Variants in DOCK3 observed in about 807,000 individuals in gnomAD.
The protein encoded by DOCK3 is dedicator of cytokinesis 3, also known as dedicator of cytokinesis protein 3.
In DOCK3, 60 loss-of-function variants were observed where a neutral mutation model predicts 265.6. That is an observed-to-expected ratio of 0.23 (90% CI 0.18 to 0.28). DOCK3 has a LOEUF of 0.28. Ranked by LOEUF, DOCK3 falls within the 10% of genes least tolerant of loss-of-function variation. The pLI is 1.00. For synonymous variants in DOCK3, 881 were observed against 938.0 expected (o/e 0.94, Z 1.11); for missense variants, 1,981 against 2,594.3 (o/e 0.76, Z 5.14).
chr3:51,078,469 G>A (rs2082125658), intron 7 of DOCK3, among the ~76,000 whole-genome samples: 1 of 152,138 alleles, frequency 6.6e-6, no homozygotes, highest in Non-Finnish European at 1.5e-5. Context: ...TGAGTCTCCA[G>A]ATTTAAAGGG....
In DOCK3 at chr3:51,299,173, G is replaced by A. The variant is rs556657417; in HGVS notation, c.2923-11059G>A. Among the ~76,000 whole-genome samples, 3 of 152,224 alleles carry A rather than the reference G, an allele frequency of 2.0e-5. No individual in the cohort carries two copies. The South Asian group carries it at 6.2e-4, about 32-fold the overall frequency. On this transcript the variant is annotated intron_variant, in intron 27 of 52. Coordinates refer to ENST00000266037, the MANE Select transcript of DOCK3 (RefSeq NM_004947.5). ...CATTTGCATTTCTCTAATGATCAGTGATGTTCAGCTTTTTTTCACGTGTTT... is the reference window on the plus strand; with the variant it reads ...CATTTGCATTTCTCTAATGATCAGTAATGTTCAGCTTTTTTTCACGTGTTT...
intron 22 of DOCK3, among the ~76,000 whole-genome samples, chr3:51,259,722 C>CT (rs2079753330): frequency 6.6e-6 from 1 of 152,174 alleles, no homozygotes; most frequent in Non-Finnish European, 1.5e-5. Context: ...ACTCCTAAGT[C>CT]TGAGGATTCC....
chr3:51,277,684 T>A lies in DOCK3; in HGVS notation c.2753T>A (p.Ile918Asn), dbSNP rs1219462343. Residue 918 changes from isoleucine (I) to asparagine (N), a missense_variant, in exon 26 of 53, where the codon ATC (isoleucine) becomes AAC (asparagine). Transcript: ENST00000266037. ...GTGCTCTTGCAGACTCTGCTCACCA[T>A]CATGAGCAAATCGCACGCTCAGGAG... ...LDVLLQTLLTIMSKSHAQEAV... is the reference protein window; with the variant it reads ...LDVLLQTLLTNMSKSHAQEAV... The A allele has an allele frequency of 6.2e-7, 1 of 1,610,440 alleles. No homozygotes were observed. The highest frequency in any genetic ancestry group is 8.5e-7 in the Non-Finnish European group (1 of 1,178,690).
intron 2 of DOCK3, among the ~76,000 whole-genome samples, chr3:50,837,465 C>T (rs1256835167): frequency 6.6e-6 from 1 of 152,068 alleles, no homozygotes; most frequent in Non-Finnish European, 1.5e-5. Context: ...GGAGAAAGCT[C>T]CTTATAAAAC....
At chr3:50,933,657 C>T (rs2051192147) in intron 4 of DOCK3, among the ~76,000 whole-genome samples, 1 of 151,948 alleles carries the variant, frequency 6.6e-6, no homozygotes, top group African/African-American at 2.4e-5. Flanking sequence ...AAAAACTAAT[C>T]CGAGCAAGAC....
At chr3:50,742,787 G>T (rs2039146087) in intron 1 of DOCK3, among the ~76,000 whole-genome samples, 1 of 152,142 alleles carries the variant, frequency 6.6e-6, no homozygotes, top group South Asian at 2.1e-4. Context: ...ATATTATCTA[G>T]GAGAACTTCC....
chr3:51,333,297 C>T, intron 35 of DOCK3, 44 bp downstream of exon 35: 2 of 1,575,448 alleles, frequency 1.3e-6, no homozygotes, highest in Non-Finnish European at 1.7e-6. Context: ...TGTCAGGATA[C>T]TCTCTCTGGC....
chr3:50,787,396 G>A (rs1224161744), intron 2 of DOCK3: 2 of 397,790 alleles, frequency 5.0e-6, no homozygotes, highest in African/African-American at 2.1e-5. Context: ...TTAGCTGGGC[G>A]TGGTGATGCA....
chr3:50,877,701 G>T lies in DOCK3; in HGVS notation c.163-12325G>T, dbSNP rs910284331. ...TTTTCTTTTTCTTTTTTATGTTGGA[G>T]TCTCGCTGTGTCACCAGGCTGGAGT... On this transcript the variant is annotated intron_variant, in intron 3 of 52. Transcript: ENST00000266037. 1.1e-5 allele frequency: 4 copies of T among 351,452 alleles called. No homozygotes were observed. In the Admixed American group the frequency reaches 1.5e-4, roughly 14 times the overall value. The allele number at this position is 351,452 out of a possible 1,614,324, so 21.8% of individuals were successfully genotyped here.
intron 4 of DOCK3, among the ~76,000 whole-genome samples, chr3:50,923,094 A>G (rs934441847): frequency 1.3e-5 from 2 of 152,214 alleles, no homozygotes; most frequent in East Asian, 3.9e-4. Flanking sequence ...AATGCCATCA[A>G]TTCATTCTTT....
chr3:50,880,471 A>G (rs2047966004), intron 3 of DOCK3: 1 of 161,632 alleles, frequency 6.2e-6, no homozygotes, highest in Non-Finnish European at 1.4e-5. Flanking sequence ...CAGAAATACA[A>G]ACTACCATCA....
At chr3:50,850,326 C>A (rs535433090) in intron 3 of DOCK3, among the ~76,000 whole-genome samples, 17 of 150,506 alleles carry the variant, frequency 1.1e-4, no homozygotes, top group Admixed American at 1.1e-3. Flanking sequence ...TGCCACTGCA[C>A]TCCAGCCTGG....
intron 9 of DOCK3, among the ~76,000 whole-genome samples, chr3:51,102,716 C>T (rs1313634237): frequency 6.6e-6 from 1 of 151,620 alleles, no homozygotes; most frequent in African/African-American, 2.4e-5. Context: ...ACCAGGAGTC[C>T]AATAATTATG....
chr3:50,833,544 A>G (rs1349839216), intron 2 of DOCK3, among the ~76,000 whole-genome samples: 1 of 152,162 alleles, frequency 6.6e-6, no homozygotes, highest in Admixed American at 6.6e-5. Context: ...TCAAATACCT[A>G]TGAATTGGGT....
At chr3:51,277,951 A>G (rs1261204320) in intron 26 of DOCK3, 197 bp downstream of exon 26, 2 of 984,230 alleles carry the variant, frequency 2.0e-6, no homozygotes, top group Non-Finnish European at 2.4e-6. Flanking sequence ...CATTCCCAGG[A>G]CTCTTCTTTA....
chr3:50,691,150 G>A (rs1462291053), intron 1 of DOCK3, among the ~76,000 whole-genome samples: 1 of 151,754 alleles, frequency 6.6e-6, no homozygotes, highest in Non-Finnish European at 1.5e-5. Flanking sequence ...CAGGTGTGGT[G>A]GCGGGCACCT....
intron 5 of DOCK3, among the ~76,000 whole-genome samples, chr3:50,939,439 TC>T (rs1487827442): frequency 6.6e-6 from 1 of 151,946 alleles, no homozygotes; most frequent in Non-Finnish European, 1.5e-5. Flanking sequence ...AAGAAAAAAA[TC>T]TGGAGTATCT....
At chr3:51,322,011 C>A (rs969302971) in intron 32 of DOCK3, among the ~76,000 whole-genome samples, 6 of 151,968 alleles carry the variant, frequency 3.9e-5, no homozygotes, top group African/African-American at 1.5e-4. Flanking sequence ...AAGAACAACC[C>A]CAAGACATAT....
chr3:50,871,460 G>C (rs1401455993), intron 3 of DOCK3, among the ~76,000 whole-genome samples: 1 of 151,792 alleles, frequency 6.6e-6, no homozygotes, highest in Admixed American at 6.6e-5. Context: ...TTTAATCCTT[G>C]ATCTTCGTGA....
Sources: allele counts gnomAD v4.1 joint callset (sites outside exome capture counted in the v4.1 genomes callset), GRCh38; gene constraint gnomAD v4.1.1; transcripts MANE v1.5; gene names NCBI Gene and HGNC (gene_info 2026-07-23, HGNC 2026-07-21).